Variants in CPSF7 observed in about 807,000 individuals in gnomAD.
CPSF7 encodes cleavage and polyadenylation specificity factor subunit 7.
In CPSF7, 1 loss-of-function variant was observed where a neutral mutation model predicts 44.3. The observed-to-expected ratio is 0.02, with a 90% CI of 0.01 to 0.11. The LOEUF is 0.11. Among genes scored for constraint, CPSF7 ranks in the 10% least tolerant of loss-of-function variants. The pLI is 1.00. For synonymous variants in CPSF7, 202 were observed against 222.0 expected (o/e 0.91, Z 0.80); for missense variants, 443 against 607.2 (o/e 0.73, Z 2.84).
At chr11:61,414,046 T>C (rs1052537906) in intron 7 of CPSF7, among the ~76,000 whole-genome samples, 2 of 152,092 alleles carry the variant, frequency 1.3e-5, no homozygotes, top group Non-Finnish European at 2.9e-5. Context: ...TGTGAAAGGG[T>C]TGATGAGGAA....
intron 5 of CPSF7, among the ~76,000 whole-genome samples, chr11:61,417,525 G>A (rs958879457): frequency 2.6e-5 from 4 of 152,206 alleles, no homozygotes; most frequent in African/African-American, 4.8e-5. Flanking sequence ...CTGGCAGCAA[G>A]TGTGGAGGAA....
At chr11:61,415,947 TA>T (rs538665451) in intron 6 of CPSF7, 157 bp downstream of exon 6, 4 of 849,348 alleles carry the variant, frequency 4.7e-6, no homozygotes, top group Non-Finnish European at 5.5e-6. Flanking sequence ...AAAAGGGGTA[TA>T]AAGGACATGG....
chr11:61,413,578 T>C (rs1036305286), intron 7 of CPSF7, among the ~76,000 whole-genome samples: 2 of 148,694 alleles, frequency 1.3e-5, no homozygotes, highest in Non-Finnish European at 3.0e-5. Context: ...TTGCAGTGAG[T>C]CGGGATCAGA....
In CPSF7 at chr11:61,416,109, C is replaced by G. The variant is rs1213682236; in HGVS notation, c.934G>C (p.Gly312Arg). The part of the protein sequence containing the change: ...MKASAPYNHH[G>R]SRDSGPPPST... ...GAAAGGAACAATAGTCCTTACCTGCCATGGTGGTTATAGGGGGCAGAGGCC... is the reference window on the plus strand; with the variant it reads ...GAAAGGAACAATAGTCCTTACCTGCGATGGTGGTTATAGGGGGCAGAGGCC... The change falls in exon 6 of 10, where the codon GGC (glycine) becomes CGC (arginine). Residue 312 changes from glycine to arginine, a missense_variant. Transcript: ENST00000439958. 3.3e-6 allele frequency: 5 copies of G among 1,499,190 alleles called. No homozygotes were observed. In the South Asian group the frequency reaches 5.6e-5, roughly 17 times the overall value. The allele number at this position is 1,499,190 out of a possible 1,614,324, so 92.9% of individuals were successfully genotyped here.
intron 3 of CPSF7, 156 bp downstream of exon 3, chr11:61,421,234 T>C (rs1224613466): frequency 9.7e-7 from 1 of 1,033,718 alleles, no homozygotes; most frequent in Admixed American, 2.0e-5. Flanking sequence ...CTCAGGATAG[T>C]TCTCTTTCAG....
At chr11:61,429,627 G>C in intron 1 of CPSF7, 1 of 1,035,242 alleles carries the variant, frequency 9.7e-7, no homozygotes, top group Non-Finnish European at 1.4e-6. Context: ...CCTATCCGCT[G>C]CACCTGCCTA....
intron 7 of CPSF7, among the ~76,000 whole-genome samples, chr11:61,413,765 A>G (rs1278714463): frequency 6.6e-6 from 1 of 152,208 alleles, no homozygotes; most frequent in African/African-American, 2.4e-5. Context: ...AGCTAAGTCA[A>G]GAGCATTAAG....
chr11:61,427,907 C>T (rs1028114028), intron 2 of CPSF7, among the ~76,000 whole-genome samples: 4 of 152,094 alleles, frequency 2.6e-5, no homozygotes, highest in African/African-American at 9.7e-5. Flanking sequence ...AAATAAATGG[C>T]ATGTATCCGC....
Position 61,404,682 on chromosome 11 carries a change from A to G in CPSF7, c.*28T>C, listed in dbSNP as rs1859144669. On this transcript the variant is annotated 3_prime_UTR_variant, in exon 10 of 10. Coordinates refer to ENST00000439958, the MANE Select transcript of CPSF7 (RefSeq NM_001142565.3). ...TGAGGAGATGCAAGTCCATTAAAAA[A>G]ACATTTGCTTCCAACCAGACTCCTG... is the stretch of plus-strand genomic sequence containing the variant. The G allele has an allele frequency of 6.6e-6, 1 of 152,240 alleles. No homozygotes were observed. Among genetic ancestry groups the G allele is most frequent in the African/African-American group, 2.4e-5 (1 of 41,448 alleles). 9.4% of individuals were successfully genotyped at this position (152,240 alleles called of 1,614,324 possible). A position where few individuals can be genotyped will look rare whatever the true frequency, so the allele number is the denominator to read the frequency against.
At chr11:61,427,644 C>G (rs1233232497) in intron 2 of CPSF7, among the ~76,000 whole-genome samples, 1 of 142,820 alleles carries the variant, frequency 7.0e-6, no homozygotes, top group Non-Finnish European at 1.5e-5. Context: ...CAGAGAGAGA[C>G]TCTGTCTCAA....
chr11:61,416,455 A>G lies in CPSF7; in HGVS notation c.588T>C (p.Ser196=), dbSNP rs781320888. 5 of 1,614,010 alleles carry G rather than the reference A, an allele frequency of 3.1e-6. No individual in the cohort carries two copies. The African/African-American group carries it at 6.7e-5, about 22-fold the overall frequency. The change falls in exon 6 of 10, where the codon TCT becomes TCC. Residue 196 remains serine (S), a synonymous_variant. Transcript: ENST00000439958. ...GAGCAGATGAGGGTACAAGGTTCTC[A>G]GAGGGTGTGGCCCGTCCATCAGCAG... ...SDSADGRATP[S]ENLVPSSARV...
At chr11:61,424,009 C>A (rs958976519) in intron 2 of CPSF7, among the ~76,000 whole-genome samples, 3 of 152,172 alleles carry the variant, frequency 2.0e-5, no homozygotes, top group Admixed American at 1.3e-4. Context: ...GAGGGCTTAA[C>A]CCTTGTAAAA....
At chr11:61,420,921 A>C in intron 3 of CPSF7, 2 of 524,334 alleles carry the variant, frequency 3.8e-6, no homozygotes, top group Admixed American at 2.4e-5. Flanking sequence ...CCCCACAGTA[A>C]ATATACTTCC....
At chr11:61,418,214 G>A (rs992446447) in intron 5 of CPSF7, among the ~76,000 whole-genome samples, 7 of 152,158 alleles carry the variant, frequency 4.6e-5, no homozygotes, top group Non-Finnish European at 8.8e-5. Flanking sequence ...CTACCTGGAG[G>A]ATACACCCAA....
intron 9 of CPSF7, among the ~76,000 whole-genome samples, chr11:61,409,107 T>C (rs559657267): frequency 3.9e-5 from 6 of 151,910 alleles, no homozygotes; most frequent in Non-Finnish European, 8.8e-5. Context: ...CTCATGACAG[T>C]GCACTCCAGC....
chr11:61,421,330 T>C, intron 3 of CPSF7, 60 bp downstream of exon 3: 1 of 1,399,782 alleles, frequency 7.1e-7, no homozygotes, highest in Non-Finnish European at 1.0e-6. Context: ...GAAAATGCCA[T>C]CACCTCCCAG....
chr11:61,426,640 C>G (rs187339107), intron 2 of CPSF7: 1 of 152,324 alleles, frequency 6.6e-6, no homozygotes, highest in Non-Finnish European at 1.5e-5. Context: ...GCAGTGACCA[C>G]TGGACAATGA....
At chr11:61,425,966 A>C (rs1861303408) in intron 2 of CPSF7, among the ~76,000 whole-genome samples, 1 of 152,232 alleles carries the variant, frequency 6.6e-6, no homozygotes, top group African/African-American at 2.4e-5. Flanking sequence ...AGCCTGTCTC[A>C]GTATGAAAAG....
Position 61,421,547 on chromosome 11 carries a change from G to A in CPSF7, c.116C>T (p.Ser39Leu), listed in dbSNP as rs1305709210. The change falls in exon 3 of 10, where the codon TCA (serine) becomes TTA (leucine). Residue 39 changes from serine (S) to leucine (L), a missense_variant. By Grantham distance (145) the Ser-to-Leu change is moderately radical. Coordinates refer to ENST00000439958, the MANE Select transcript of CPSF7 (RefSeq NM_001142565.3). ...GCTGCTTCTGTCATCTGAGGGCTGT[G>A]AGGTGGCTGTCAGCACATCATCATA... is the stretch of plus-strand genomic sequence containing the variant. ...DLYDDVLTAT[S>L]QPSDDRSSST... The A allele has an allele frequency of 6.2e-7, 1 of 1,614,114 alleles. No homozygotes were observed. Among genetic ancestry groups the A allele is most frequent in the South Asian group, 1.1e-5 (1 of 91,082 alleles).
Sources: gnomAD v4.1 joint callset for allele counts (sites outside exome capture counted in the v4.1 genomes callset) on GRCh38, gnomAD v4.1.1 for gene constraint, MANE v1.5 for transcripts, NCBI Gene and HGNC (gene_info 2026-07-23, HGNC 2026-07-21) for gene names.